Variants in VPS13C observed in about 807,000 individuals in gnomAD.
The protein encoded by VPS13C is vacuolar protein sorting 13 homolog C.
Under a neutral mutation model 456.8 loss-of-function variants are expected in VPS13C, and 358 were observed. The observed-to-expected ratio is 0.78, with a 90% CI of 0.72 to 0.86. The LOEUF (loss-of-function observed/expected upper bound fraction) is 0.86, where lower values mean the gene tolerates loss of function less well. Ranked by LOEUF, VPS13C falls within the 40% of genes least tolerant of loss-of-function variation. VPS13C has a pLI of 0.00. For synonymous variants in VPS13C, 1,578 were observed against 1,486.7 expected (o/e 1.06, Z -1.41); for missense variants, 4,818 against 4,385.4 (o/e 1.10, Z -2.79).
chr15:61,976,747 T>TTCTATTTTA (rs2045714692), intron 24 of VPS13C, among the ~76,000 whole-genome samples: 2 of 152,016 alleles, frequency 1.3e-5, no homozygotes, highest in Non-Finnish European at 2.9e-5. Flanking sequence ...TTTATGTCCT[T>TTCTATTTTA]TGATTTTTCT....
intron 18 of VPS13C, among the ~76,000 whole-genome samples, 169 bp downstream of exon 18, chr15:61,990,831 G>A (rs548501287): frequency 6.6e-6 from 1 of 152,118 alleles, no homozygotes; most frequent in East Asian, 1.9e-4. Flanking sequence ...ATAAAATAAA[G>A]TTAGAGAGAG....
Position 61,950,424 on chromosome 15 carries a change from A to G in VPS13C, c.4537-7T>C. ...CTGGTCCATCACTGTCTGCCTACAA[A>G]TAGTGGAGAATTACACCACTGAGTT... On this transcript the variant is annotated splice_region_variant and splice_polypyrimidine_tract_variant and intron_variant, in intron 40 of 84. Coordinates refer to ENST00000644861, the MANE Select transcript of VPS13C (RefSeq NM_020821.3). The G allele has an allele frequency of 1.2e-6, 2 of 1,606,512 alleles. No individual in the cohort carries two copies. The highest frequency in any genetic ancestry group is 1.7e-6 in the Non-Finnish European group (2 of 1,173,892).
chr15:61,914,842 A>G (rs2043411867), intron 61 of VPS13C, among the ~76,000 whole-genome samples: 1 of 142,896 alleles, frequency 7.0e-6, no homozygotes, highest in South Asian at 2.3e-4. Context: ...TGGGATTTAC[A>G]GGCATAAGCC....
At chr15:61,895,994 G>T (rs543695753) in intron 66 of VPS13C, among the ~76,000 whole-genome samples, 3 of 152,068 alleles carry the variant, frequency 2.0e-5, no homozygotes, top group Non-Finnish European at 4.4e-5. Flanking sequence ...ATAAATATTT[G>T]AGATATGAAT....
chr15:61,965,331 C>G (rs1031878183), intron 30 of VPS13C, among the ~76,000 whole-genome samples: 2 of 151,772 alleles, frequency 1.3e-5, no homozygotes, highest in South Asian at 4.1e-4. Flanking sequence ...TACTAAGTGA[C>G]CTTTTCAAAT....
At chr15:61,898,684 G>A (rs1191652009) in intron 66 of VPS13C, among the ~76,000 whole-genome samples, 3 of 130,356 alleles carry the variant, frequency 2.3e-5, no homozygotes, top group African/African-American at 8.6e-5. Context: ...GTCAACATTA[G>A]ACAGATCAAC....
intron 68 of VPS13C, 64 bp from the exon 69 acceptor site, chr15:61,882,800 A>G (rs899900107): frequency 5.6e-6 from 8 of 1,432,116 alleles, no homozygotes; most frequent in Non-Finnish European, 6.4e-6. Flanking sequence ...TCCATTTTTA[A>G]TATCTGTTTA....
intron 82 of VPS13C, among the ~76,000 whole-genome samples, chr15:61,861,978 C>A (rs185153073): frequency 1.3e-5 from 2 of 151,914 alleles, no homozygotes; most frequent in African/African-American, 4.8e-5. Flanking sequence ...TGCATGCCTG[C>A]AATCCCAGCT....
chr15:61,961,691 A>C lies in VPS13C; in HGVS notation c.3806T>G (p.Ile1269Ser). Reference protein sequence around the residue: ...TNAVVVDLGLIRVHNQFSLVS... With the variant: ...TNAVVVDLGLSRVHNQFSLVS... ...CAGACTGAACTGATTATGAACTCTG[A>C]TTAACCCAAGATCTACCACTACTGC... is the stretch of plus-strand genomic sequence containing the variant. Residue 1269 changes from isoleucine to serine, a missense_variant, in exon 35 of 85, where the codon ATC (isoleucine) becomes AGC (serine). Physicochemically the swap from Ile to Ser is moderately radical, Grantham distance 142. Transcript: ENST00000644861. The C allele has an allele frequency of 1.2e-6, 2 of 1,614,002 alleles. No homozygotes were observed. Among genetic ancestry groups the C allele is most frequent in the Non-Finnish European group, 1.7e-6 (2 of 1,179,930 alleles).
rs144031787 is a variant in VPS13C, at chr15:62,005,996, G to A, written c.1290+1312C>T. Among the ~76,000 whole-genome samples, 402 of 151,960 alleles carry A rather than the reference G, an allele frequency of 2.6e-3. 2 individuals carry two copies. The highest frequency in any genetic ancestry group is 4.9e-3 in the Admixed American group (74 of 15,244). ...TGGGATTATAGGTGTGAGCCACCAC[G>A]CCCGGCCGTGTTTCTACCTTTTAAA... On this transcript the variant is annotated intron_variant, in intron 15 of 84. Coordinates refer to ENST00000644861, the MANE Select transcript of VPS13C (RefSeq NM_020821.3).
Position 61,890,216 on chromosome 15 carries a change from G to A in VPS13C, c.9290C>T (p.Ser3097Leu). 6.2e-7 allele frequency: 1 copy of A among 1,614,058 alleles called. No individual in the cohort carries two copies. Among genetic ancestry groups the A allele is most frequent in the Non-Finnish European group, 8.5e-7 (1 of 1,180,002 alleles). The change falls in exon 67 of 85, where the codon TCA becomes TTA. Residue 3097 changes from serine (S) to leucine (L), a missense_variant. Ser to Leu is a moderately radical substitution (Grantham distance 145). Coordinates refer to ENST00000644861, the MANE Select transcript of VPS13C (RefSeq NM_020821.3). ...CTGCTTGCTTTCATTGTTAACCAGT[G>A]AAAGCCCAAGACTGTGGAGAGACAA... ...ITLSLHSLGL[S>L]LVNNESKQEV... is the part of the protein sequence containing the mutation.
At chr15:61,988,518 T>G (rs889482330) in intron 18 of VPS13C, among the ~76,000 whole-genome samples, 2 of 152,106 alleles carry the variant, frequency 1.3e-5, no homozygotes, top group African/African-American at 2.4e-5. Flanking sequence ...AGACATAAAT[T>G]CTCCCCAAAT....
intron 62 of VPS13C, 35 bp from the exon 63 acceptor site, chr15:61,912,039 T>C: frequency 6.6e-7 from 1 of 1,525,550 alleles, no homozygotes; most frequent in Non-Finnish European, 8.8e-7. Flanking sequence ...TTCCAGTTTA[T>C]TCAATGTCTT....
chr15:61,917,317 T>C, intron 60 of VPS13C, 24 bp downstream of exon 60: 1 of 1,601,584 alleles, frequency 6.2e-7, no homozygotes, highest in Non-Finnish European at 8.5e-7. Context: ...ACAACAAAAA[T>C]CAAACAAAAT....
chr15:61,999,829 G>A (rs1377529955), intron 16 of VPS13C, among the ~76,000 whole-genome samples: 1 of 144,166 alleles, frequency 6.9e-6, no homozygotes, highest in East Asian at 2.0e-4. Context: ...GAAAGAGGAA[G>A]GAAGGAAAGG....
chr15:61,974,225 G>A, intron 25 of VPS13C, 63 bp downstream of exon 25: 1 of 1,453,428 alleles, frequency 6.9e-7, no homozygotes, highest in East Asian at 2.5e-5. Flanking sequence ...CCCTGAAACT[G>A]ACTTTTCATC....
At chr15:62,010,216 T>C (rs543100755) in intron 13 of VPS13C, among the ~76,000 whole-genome samples, 5 of 151,894 alleles carry the variant, frequency 3.3e-5, no homozygotes, top group Admixed American at 6.6e-5. Context: ...CCATCAACAA[T>C]TGTGAGTCAA....
intron 77 of VPS13C, among the ~76,000 whole-genome samples, chr15:61,873,794 G>A (rs1246284075): frequency 4.6e-5 from 7 of 151,930 alleles, no homozygotes; most frequent in Non-Finnish European, 8.8e-5. Context: ...TAGAACTACC[G>A]TATGATCCAG....
Position 61,891,918 on chromosome 15 carries a change from G to A in VPS13C, c.9106-1518C>T, listed in dbSNP as rs889399172. Reference sequence around the variant, plus strand: ...CTGACACAATTCCTGGAGCCACAGAGAAGTGAAAAGCTCCACGCAGATGGT... The same window carrying A: ...CTGACACAATTCCTGGAGCCACAGAAAAGTGAAAAGCTCCACGCAGATGGT... On this transcript the variant is annotated intron_variant, in intron 66 of 84. Coordinates refer to ENST00000644861, the MANE Select transcript of VPS13C (RefSeq NM_020821.3). 2.0e-5 allele frequency among the ~76,000 whole-genome samples: 3 copies of A among 152,200 alleles called. No individual in the cohort carries two copies. In the South Asian group the frequency reaches 6.2e-4, roughly 32 times the overall value.
Sources: gnomAD v4.1 joint callset for allele counts (sites outside exome capture counted in the v4.1 genomes callset) on GRCh38, gnomAD v4.1.1 for gene constraint, MANE v1.5 for transcripts, NCBI Gene and HGNC (gene_info 2026-07-23, HGNC 2026-07-21) for gene names.